YIF1B: variants seen among roughly 807,000 people sequenced by gnomAD.
YIF1B encodes Yip1 interacting factor homolog B, membrane trafficking protein, also known as protein YIF1B.
Under a neutral mutation model 34.6 loss-of-function variants are expected in YIF1B, and 24 were observed. The ratio of observed to expected loss-of-function variants is 0.69; its 90% CI spans 0.50 to 0.98. YIF1B has a LOEUF of 0.98. Ranked by LOEUF, YIF1B falls within the 50% of genes least tolerant of loss-of-function variation. The pLI, the probability that YIF1B is intolerant of heterozygous loss-of-function variation, is 0.00. For synonymous variants in YIF1B, 186 were observed against 184.8 expected (o/e 1.01, Z -0.05); for missense variants, 368 against 429.4 (o/e 0.86, Z 1.26).
intron 1 of YIF1B, among the ~76,000 whole-genome samples, chr19:38,311,522 C>T (rs1361100588): frequency 6.6e-6 from 1 of 151,926 alleles, no homozygotes; most frequent in African/African-American, 2.4e-5. Flanking sequence ...TCATCATCCC[C>T]ATTTTACATA....
intron 1 of YIF1B, among the ~76,000 whole-genome samples, chr19:38,314,805 G>C (rs1969478346): frequency 6.6e-6 from 1 of 151,374 alleles, no homozygotes; most frequent in African/African-American, 2.4e-5. Flanking sequence ...ATTAGAGATA[G>C]GATTTTGCTG....
rs1280772257 is a variant in YIF1B at position 38,315,944 on chromosome 19, G to C, written c.-27C>G. ...CTTCGCCGCCGCCACCTAAGCCGCGGTTCGGAGCGTGCCCGCCCGGCTCCC... is the reference window on the plus strand; with the variant it reads ...CTTCGCCGCCGCCACCTAAGCCGCGCTTCGGAGCGTGCCCGCCCGGCTCCC... On this transcript the variant is annotated 5_prime_UTR_variant, in exon 1 of 8. Transcript: ENST00000339413. The C allele has an allele frequency of 2.1e-6, 3 of 1,421,564 alleles. No homozygotes were observed. 88.1% of individuals were successfully genotyped at this position (1,421,564 alleles called of 1,614,324 possible). A position where few individuals can be genotyped will look rare whatever the true frequency, so the allele number is the denominator to read the frequency against.
chr19:38,316,002 A>G, upstream of YIF1B: 2 of 1,357,628 alleles, frequency 1.5e-6, no homozygotes, highest in Non-Finnish European at 9.4e-7. Flanking sequence ...GAGACAGCCA[A>G]TGGACGTCAG....
upstream of YIF1B, among the ~76,000 whole-genome samples, chr19:38,316,157 G>A (rs1166307658): frequency 6.6e-6 from 1 of 152,192 alleles, no homozygotes; most frequent in African/African-American, 2.4e-5. Context: ...GGCCTGAGTG[G>A]CAGGAGGGCG....
At chr19:38,316,195 G>A (rs2145031087), upstream of YIF1B, among the ~76,000 whole-genome samples, 1 of 152,272 alleles carries the variant, frequency 6.6e-6, no homozygotes, top group East Asian at 1.9e-4. Flanking sequence ...AGGAGGAGGC[G>A]GTGTCTGCCA....
chr19:38,304,305 A>G lies in YIF1B; in HGVS notation c.*1047T>C, dbSNP rs749494978. The G allele has an allele frequency of 6.2e-7, 1 of 1,613,568 alleles. No individual in the cohort carries two copies. The highest frequency in any genetic ancestry group is 8.5e-7 in the Non-Finnish European group (1 of 1,179,966). The stretch of plus-strand genomic sequence containing the variant: ...GCAGGTGAGCTCCTGGGGAGTGTGG[A>G]CTGGAGGTGCAGGGGGCCGGACTCA... On this transcript the variant is annotated 3_prime_UTR_variant, in exon 8 of 8. Coordinates refer to ENST00000339413, the MANE Select transcript of YIF1B (RefSeq NM_001039672.3).
intron 1 of YIF1B, 158 bp from the exon 2 acceptor site, chr19:38,309,801 A>C: frequency 2.1e-6 from 3 of 1,433,642 alleles, no homozygotes; most frequent in Non-Finnish European, 2.7e-6. Flanking sequence ...GGCAGGTGCA[A>C]GCTCTGCCAT....
At chr19:38,316,055 C>G, upstream of YIF1B, 1 of 1,227,428 alleles carries the variant, frequency 8.1e-7, no homozygotes, top group Non-Finnish European at 1.0e-6. Context: ...ACCCCTCCAG[C>G]CCCCCCCTTC....
At chr19:38,316,403 C>G (rs891272040), upstream of YIF1B, among the ~76,000 whole-genome samples, 3 of 151,850 alleles carry the variant, frequency 2.0e-5, no homozygotes, top group African/African-American at 7.3e-5. Context: ...CGCCTGTAAT[C>G]TCAGCACTTT....
chr19:38,320,983 C>T (rs1969645660), upstream of YIF1B, among the ~76,000 whole-genome samples: 1 of 152,152 alleles, frequency 6.6e-6, no homozygotes, highest in Non-Finnish European at 1.5e-5. Context: ...AGATCCTTGC[C>T]CCCTCTGGAC....
At chr19:38,317,795 G>C (rs1210682648), upstream of YIF1B, among the ~76,000 whole-genome samples, 4 of 151,638 alleles carry the variant, frequency 2.6e-5, no homozygotes, top group South Asian at 8.3e-4. Flanking sequence ...GGCCAGGCTG[G>C]TCTCGAACTC....
chr19:38,315,913 T>G lies in YIF1B; in HGVS notation c.5A>C (p.His2Pro). ...AGCCGCCGCCGCCAAGCCTGCCGGG[T>G]GCATCCTTCGCCGCCGCCACCTAAG... M[H>P]PAGLAAAAAG... The change falls in exon 1 of 8, where the codon CAC becomes CCC. Residue 2 changes from histidine (H) to proline (P), a missense_variant. Transcript: ENST00000339413. The G allele has an allele frequency of 6.8e-7, 1 of 1,468,908 alleles. No individual in the cohort carries two copies. The highest frequency in any genetic ancestry group is 8.9e-7 in the Non-Finnish European group (1 of 1,118,624). The allele number at this position is 1,468,908 out of a possible 1,614,324, so 91.0% of individuals were successfully genotyped here. A position where few individuals can be genotyped will look rare whatever the true frequency, so the allele number is the denominator to read the frequency against.
chr19:38,310,089 C>T (rs1433361077), intron 1 of YIF1B, among the ~76,000 whole-genome samples: 1 of 149,254 alleles, frequency 6.7e-6, no homozygotes, highest in Non-Finnish European at 1.5e-5. Flanking sequence ...TCCATCCACC[C>T]TCCCACCCAT....
At chr19:38,306,190 G>C (rs1055097353) in intron 7 of YIF1B, among the ~76,000 whole-genome samples, 47 of 129,056 alleles carry the variant, frequency 3.6e-4, no homozygotes, top group Admixed American at 1.5e-3. Flanking sequence ...CCGACAGAGC[G>C]AGACTCTGTC....
At position 38,309,164 on chromosome 19, in the gene YIF1B, C is replaced by G. The variant is rs1255398393; in HGVS notation, c.402+60G>C. 3 of 1,596,148 alleles carry G rather than the reference C, an allele frequency of 1.9e-6. No individual in the cohort carries two copies. The East Asian group carries it at 6.7e-5, about 36-fold the overall frequency. On this transcript the variant is annotated intron_variant, in intron 3 of 7. Coordinates refer to ENST00000339413, the MANE Select transcript of YIF1B (RefSeq NM_001039672.3). ...TCTCCCGGCTCCACCATGCACCTGC[C>G]CCCACCCCTGAGCCCCCCACAGGCC...
upstream of YIF1B, chr19:38,320,060 G>A (rs189978547): frequency 0.016 from 24,627 of 1,517,316 alleles, 233 homozygotes; most frequent in Non-Finnish European, 0.019. Context: ...GCCAGGCTCC[G>A]AGCCGAGCTG....
At chr19:38,309,877 C>T in intron 1 of YIF1B, 1 of 1,388,302 alleles carries the variant, frequency 7.2e-7, no homozygotes, top group Non-Finnish European at 9.4e-7. Flanking sequence ...TGCATCCATT[C>T]ATCTACCCAC....
chr19:38,313,628 T>C (rs1284980334), intron 1 of YIF1B, among the ~76,000 whole-genome samples: 5 of 152,230 alleles, frequency 3.3e-5, no homozygotes. Context: ...CACTGTGCTC[T>C]GAAAAAAATC....
intron 1 of YIF1B, chr19:38,315,385 G>C (rs777365016): frequency 1.7e-6 from 2 of 1,173,982 alleles, no homozygotes; most frequent in African/African-American, 3.2e-5. Context: ...GTTGAGACAA[G>C]TTAGGTTGAA....
Sources: gnomAD v4.1 joint callset for allele counts (sites outside exome capture counted in the v4.1 genomes callset) on GRCh38, gnomAD v4.1.1 for gene constraint, MANE v1.5 for transcripts, NCBI Gene and HGNC (gene_info 2026-07-23, HGNC 2026-07-21) for gene names.